Variants in GRIN1 observed in about 807,000 individuals in gnomAD.
GRIN1 encodes glutamate ionotropic receptor NMDA type subunit 1, also known as glutamate receptor ionotropic, NMDA 1.
A neutral mutation model predicts 103.0 loss-of-function variants in GRIN1; 38 were observed. The observed-to-expected ratio is 0.37, with a 90% confidence interval of 0.28 to 0.48. GRIN1 has a LOEUF of 0.48. Among genes scored for constraint, GRIN1 ranks in the 20% least tolerant of loss-of-function variants. GRIN1 has a pLI of 0.98. For missense variants in GRIN1, 577 were observed against 1,288.9 expected, an observed-to-expected ratio of 0.45 and a Z score of 8.46; for synonymous variants, 544 against 532.7, an observed-to-expected ratio of 1.02 and a Z score of -0.29.
intron 18 of GRIN1, chr9:137,164,131 G>A (rs1460974353): frequency 6.7e-6 from 4 of 595,556 alleles, no homozygotes; most frequent in East Asian, 2.9e-5. Context: ...GGGAGGCCAC[G>A]CACCCTGCTC....
At chr9:137,148,968 C>T in intron 3 of GRIN1, 41 bp from the exon 4 acceptor site, 1 of 1,433,274 alleles carries the variant, frequency 7.0e-7, no homozygotes, top group Non-Finnish European at 9.7e-7. Context: ...CGCTATGTCC[C>T]CTGCCCCAGC....
rs745684020 is a variant in GRIN1, at chr9:137,162,751, C to A, written c.2013+12C>A. 9 of 1,601,744 alleles carry A rather than the reference C, an allele frequency of 5.6e-6. No homozygotes were observed. Among genetic ancestry groups the A allele is most frequent in the Non-Finnish European group, 7.7e-6 (9 of 1,175,028 alleles). On this transcript the variant is annotated intron_variant, in intron 14 of 19. Transcript: ENST00000371561. ...TCAACGACCCTCGGGTGAGGCCTGGCCGGGCTGGGGGAGGGAATGCGAGGT... is the reference window on the plus strand; with the variant it reads ...TCAACGACCCTCGGGTGAGGCCTGGACGGGCTGGGGGAGGGAATGCGAGGT...
chr9:137,160,493 G>A (rs1338179739), intron 8 of GRIN1, among the ~76,000 whole-genome samples: 1 of 151,930 alleles, frequency 6.6e-6, no homozygotes, highest in Admixed American at 6.5e-5. Flanking sequence ...GCAGTGGCGC[G>A]GTCTCCGCTC....
At chr9:137,166,411 C>T (rs1833880450) in intron 19 of GRIN1, among the ~76,000 whole-genome samples, 1 of 152,248 alleles carries the variant, frequency 6.6e-6, no homozygotes. Flanking sequence ...GGCCACCCTG[C>T]AGTCCAGGGA....
At chr9:137,148,596 A>T (rs1036803776) in intron 3 of GRIN1, among the ~76,000 whole-genome samples, 2 of 152,004 alleles carry the variant, frequency 1.3e-5, no homozygotes, top group South Asian at 2.1e-4. Flanking sequence ...ACCTCAGAGG[A>T]CCTCCCATGG....
intron 18 of GRIN1, 91 bp downstream of exon 18, chr9:137,163,995 G>T (rs771923304): frequency 1.3e-5 from 19 of 1,446,946 alleles, no homozygotes; most frequent in Non-Finnish European, 1.6e-5. Context: ...ACTGGCTCTG[G>T]CTCTGGTGGG....
intron 19 of GRIN1, among the ~76,000 whole-genome samples, chr9:137,167,146 G>A (rs1335920482): frequency 6.6e-6 from 1 of 152,126 alleles, no homozygotes; most frequent in Non-Finnish European, 1.5e-5. Context: ...GCCCTGCAAG[G>A]CTGAACTGTG....
In GRIN1 at chr9:137,159,183, G is replaced by A. The variant is rs976454962; in HGVS notation, c.1197+479G>A. ...TGGGCCTCTGAGAGCCTCTGCCCTC[G>A]CCGGCTTCCTCCTCCAGAACATCTT... On this transcript the variant is annotated intron_variant, in intron 8 of 19. Transcript: ENST00000371561. Among the ~76,000 whole-genome samples, 5 of 152,024 alleles carry A rather than the reference G, an allele frequency of 3.3e-5. No homozygotes were observed. In the East Asian group the frequency reaches 5.8e-4, roughly 18 times the overall value.
chr9:137,167,505 G>T lies in GRIN1; in HGVS notation c.2795G>T (p.Cys932Phe). Residue 932 changes from cysteine to phenylalanine, a missense_variant, in exon 20 of 20, where the codon TGT becomes TTT. Coordinates refer to ENST00000371561, the MANE Select transcript of GRIN1 (RefSeq NM_007327.4). ...AGGGAGGAGGGCCAGCTGCAGCTGT[G>T]TTCCCGTCATAGGGAGAGCTGAGAC... ...IEREEGQLQLCSRHRES is the reference protein window; with the variant it reads ...IEREEGQLQLFSRHRES 1 of 1,555,918 alleles carries T rather than the reference G, an allele frequency of 6.4e-7. No individual in the cohort carries two copies. The highest frequency in any genetic ancestry group is 8.7e-7 in the Non-Finnish European group (1 of 1,149,584).
chr9:137,164,879 C>T, intron 18 of GRIN1: 1 of 418,766 alleles, frequency 2.4e-6, no homozygotes, highest in South Asian at 2.1e-5. Flanking sequence ...GAGGACTCCT[C>T]CTCCTCGGGA....
In GRIN1 at chr9:137,156,729, G is replaced by T; in HGVS notation, c.732G>T (p.Gly244=). ...AAAMLNMTGS[G]YVWLVGEREI... is the part of the protein sequence containing the mutation. ...CGATGCTGAACATGACGGGCTCCGG[G>T]TACGTGTGGCTGGTCGGCGAGCGCG... Residue 244 remains glycine, a synonymous_variant, in exon 5 of 20, where the codon GGG becomes GGT. Coordinates refer to ENST00000371561, the MANE Select transcript of GRIN1 (RefSeq NM_007327.4). 6.3e-7 allele frequency: 1 copy of T among 1,590,646 alleles called. No individual in the cohort carries two copies.
At position 137,158,653 on chromosome 9, in the gene GRIN1, A is replaced by G. The variant is rs1042724403; in HGVS notation, c.1146A>G (p.Pro382=). The G allele has an allele frequency of 1.2e-6, 2 of 1,612,898 alleles. No individual in the cohort carries two copies. The highest frequency in any genetic ancestry group is 2.7e-5 in the African/African-American group (2 of 75,034). ...CTAATGACAGGAAGATCATCTGGCC[A>G]GGCGGAGAGACAGAGAAGCCTCGAG... ...VIPNDRKIIW[P]GGETEKPRGY... is the part of the protein sequence containing the mutation. Residue 382 remains proline (P), a synonymous_variant, in exon 8 of 20, where the codon CCA becomes CCG. Coordinates refer to ENST00000371561, the MANE Select transcript of GRIN1 (RefSeq NM_007327.4).
At chr9:137,151,889 C>A (rs1832935561) in intron 4 of GRIN1, among the ~76,000 whole-genome samples, 1 of 132,692 alleles carries the variant, frequency 7.5e-6, no homozygotes. Flanking sequence ...TGGTCTCGAA[C>A]TTGTGGCCTC....
chr9:137,142,232 T>C (rs1412139008), intron 2 of GRIN1, 85 bp downstream of exon 2: 53 of 1,406,922 alleles, frequency 3.8e-5, no homozygotes, highest in Non-Finnish European at 4.6e-5. Context: ...GCCGACCCGC[T>C]CACATGGAAC....
intron 19 of GRIN1, among the ~76,000 whole-genome samples, chr9:137,166,059 C>T (rs1833861918): frequency 6.6e-6 from 1 of 152,164 alleles, no homozygotes; most frequent in African/African-American, 2.4e-5. Context: ...GCGGCAGCTC[C>T]CAGAGGGTCT....
In GRIN1 at chr9:137,168,068, C is replaced by T. The variant is rs1361915802; in HGVS notation, c.*541C>T. ...CAGAGCTGAGTCGGCTGGGCAGGGC[C>T]GCAGGGCGCTCCGGCAGAGGCAGGG... On this transcript the variant is annotated 3_prime_UTR_variant, in exon 20 of 20. Coordinates refer to ENST00000371561, the MANE Select transcript of GRIN1 (RefSeq NM_007327.4). 1 of 598,008 alleles carries T rather than the reference C, an allele frequency of 1.7e-6. No homozygotes were observed. Among genetic ancestry groups the T allele is most frequent in the Non-Finnish European group, 3.0e-6 (1 of 337,200 alleles). 37.0% of individuals were successfully genotyped at this position (598,008 alleles called of 1,614,324 possible).
At chr9:137,144,634 G>A (rs932535414) in intron 2 of GRIN1, among the ~76,000 whole-genome samples, 5 of 146,478 alleles carry the variant, frequency 3.4e-5, no homozygotes, top group Admixed American at 6.9e-5. Context: ...GTAACAGTGC[G>A]AGACTGTTTA....
chr9:137,149,153 C>T, intron 4 of GRIN1, 44 bp downstream of exon 4: 3 of 1,287,314 alleles, frequency 2.3e-6, no homozygotes, highest in Non-Finnish European at 3.3e-6. Flanking sequence ...AGGATGGTAC[C>T]TGAGCCAAGT....
intron 4 of GRIN1, among the ~76,000 whole-genome samples, chr9:137,152,542 T>A (rs141369099): frequency 3.3e-5 from 5 of 152,298 alleles, no homozygotes; most frequent in Non-Finnish European, 5.9e-5. Context: ...AACCCCGCCA[T>A]GCCCAGGTCC....
Sources: allele counts gnomAD v4.1 joint callset (sites outside exome capture counted in the v4.1 genomes callset), GRCh38; gene constraint gnomAD v4.1.1; transcripts MANE v1.5; gene names NCBI Gene and HGNC (gene_info 2026-07-23, HGNC 2026-07-21).